XKR6: variants seen among roughly 807,000 people sequenced by gnomAD.
XKR6 encodes the protein XK-related protein 6.
Under a neutral mutation model 56.7 loss-of-function variants are expected in XKR6, and 22 were observed. The ratio of observed to expected loss-of-function variants is 0.39; its 90% CI spans 0.28 to 0.55. The LOEUF is 0.55. XKR6 is among the 20% of genes least tolerant of loss of function. XKR6 has a pLI of 0.66. For missense variants in XKR6, 852 were observed against 889.0 expected (o/e 0.96, Z 0.53); for synonymous variants, 524 against 387.8 (o/e 1.35, Z -4.13).
intron 1 of XKR6, among the ~76,000 whole-genome samples, chr8:10,966,456 G>A (rs1421987006): frequency 6.6e-6 from 1 of 152,016 alleles, no homozygotes; most frequent in African/African-American, 2.4e-5. Flanking sequence ...GGCGGATCAC[G>A]AGGTCAGGAG....
intron 1 of XKR6, chr8:11,108,395 G>C (rs148437735): frequency 1.3e-4 from 60 of 446,892 alleles, no homozygotes; most frequent in African/African-American, 1.1e-3. Context: ...GATACCCCAA[G>C]ACATAAGAAA....
chr8:10,956,270 G>C (rs191634586), intron 1 of XKR6, among the ~76,000 whole-genome samples: 1 of 152,176 alleles, frequency 6.6e-6, no homozygotes, highest in Non-Finnish European at 1.5e-5. Context: ...CCCTCACTCC[G>C]GTTGTCATCA....
chr8:11,130,612 G>GT (rs578174148), intron 1 of XKR6, among the ~76,000 whole-genome samples: 1,435 of 143,222 alleles, frequency 0.01, 8 homozygotes, highest in Non-Finnish European at 0.014. Flanking sequence ...TCCCTCGCCG[G>GT]TTTTTTTTTT....
intron 1 of XKR6, among the ~76,000 whole-genome samples, chr8:11,157,095 G>A (rs938215976): frequency 6.6e-6 from 1 of 152,132 alleles, no homozygotes; most frequent in Non-Finnish European, 1.5e-5. Flanking sequence ...AGCCTAATAA[G>A]AAAAATGTCA....
chr8:10,962,193 G>A lies in XKR6; in HGVS notation c.765-37363C>T, dbSNP rs1025189638. ...AATCTTTTTAAAGAAGTAAGAAAATGCAAACCATAAGTAGGTTTAAATGCT... is the reference window on the plus strand; with the variant it reads ...AATCTTTTTAAAGAAGTAAGAAAATACAAACCATAAGTAGGTTTAAATGCT... On this transcript the variant is annotated intron_variant, in intron 1 of 2. Transcript: ENST00000416569. Among the ~76,000 whole-genome samples, 5 of 152,174 alleles carry A rather than the reference G, an allele frequency of 3.3e-5. No individual in the cohort carries two copies. The East Asian group carries it at 9.6e-4, about 29-fold the overall frequency.
intron 1 of XKR6, among the ~76,000 whole-genome samples, chr8:10,954,392 T>C (rs1394047758): frequency 6.6e-6 from 1 of 152,250 alleles, no homozygotes; most frequent in Admixed American, 6.5e-5. Flanking sequence ...GTGGTTTTGA[T>C]TTGTATTTCC....
At chr8:10,972,254 A>G (rs1802430260) in intron 1 of XKR6, among the ~76,000 whole-genome samples, 1 of 152,230 alleles carries the variant, frequency 6.6e-6, no homozygotes, top group South Asian at 2.1e-4. Flanking sequence ...TAGGAAAAAA[A>G]CAACATGAAA....
intron 1 of XKR6, among the ~76,000 whole-genome samples, chr8:11,139,867 G>A (rs1282718372): frequency 1.3e-5 from 2 of 152,138 alleles, no homozygotes; most frequent in African/African-American, 2.4e-5. Flanking sequence ...GATTTAAGCA[G>A]CAAAATCCCC....
At chr8:11,107,949 T>C in intron 1 of XKR6, 1 of 289,682 alleles carries the variant, frequency 3.5e-6, no homozygotes, top group Admixed American at 5.2e-5. Context: ...GGCACCACTC[T>C]GATGATGCTC....
Position 10,896,956 on chromosome 8 carries a change from T to G in XKR6, c.*996A>C, listed in dbSNP as rs2129106075. On this transcript the variant is annotated 3_prime_UTR_variant, in exon 3 of 3. Coordinates refer to ENST00000416569, the MANE Select transcript of XKR6 (RefSeq NM_173683.4). ...CTGATTAAGTATTGTGCCTTTAAAC[T>G]GATGTCGTTCTTTTTGCTACTATGC... 6.5e-6 allele frequency: 1 copy of G among 152,760 alleles called. No individual in the cohort carries two copies. Among genetic ancestry groups the G allele is most frequent in the Non-Finnish European group, 1.5e-5 (1 of 68,038 alleles). The allele number at this position is 152,760 out of a possible 1,614,324, so 9.5% of individuals were successfully genotyped here. A position where few individuals can be genotyped will look rare whatever the true frequency, so the allele number is the denominator to read the frequency against.
At chr8:11,083,108 C>T (rs1797780742) in intron 1 of XKR6, among the ~76,000 whole-genome samples, 1 of 152,124 alleles carries the variant, frequency 6.6e-6, no homozygotes. Context: ...CAGAACTAGG[C>T]CACTCTCCAA....
intron 1 of XKR6, among the ~76,000 whole-genome samples, chr8:11,078,167 A>T (rs1034150696): frequency 1.3e-5 from 2 of 152,184 alleles, no homozygotes; most frequent in Admixed American, 6.5e-5. Context: ...ACCTATTTTT[A>T]AAATTTCATT....
chr8:11,062,164 C>T (rs916263566), intron 1 of XKR6, among the ~76,000 whole-genome samples: 1 of 152,118 alleles, frequency 6.6e-6, no homozygotes, highest in East Asian at 1.9e-4. Context: ...GGAGAAGCTG[C>T]ACACATCGGC....
At chr8:11,054,296 G>A (rs575778694) in intron 1 of XKR6, among the ~76,000 whole-genome samples, 8 of 152,296 alleles carry the variant, frequency 5.3e-5, no homozygotes, top group East Asian at 1.9e-4. Context: ...AAGAGAGAGC[G>A]CACAGTAAGT....
intron 1 of XKR6, among the ~76,000 whole-genome samples, chr8:11,029,736 G>A (rs930608868): frequency 3.3e-5 from 5 of 151,898 alleles, no homozygotes; most frequent in East Asian, 3.9e-4. Flanking sequence ...ATTTCCTCAC[G>A]TCAGTGCCAT....
chr8:10,926,847 G>T (rs890416855), intron 1 of XKR6, among the ~76,000 whole-genome samples: 3 of 152,250 alleles, frequency 2.0e-5, no homozygotes, highest in Non-Finnish European at 4.4e-5. Flanking sequence ...CAGGGAAGAG[G>T]CTCAGGAAGA....
chr8:11,143,856 G>C (rs528199409), intron 1 of XKR6, among the ~76,000 whole-genome samples: 2 of 152,304 alleles, frequency 1.3e-5, no homozygotes, highest in African/African-American at 4.8e-5. Context: ...AACAGAAATT[G>C]ATTTTCCCAC....
chr8:11,143,660 A>C (rs1048596604), intron 1 of XKR6, among the ~76,000 whole-genome samples: 1 of 152,222 alleles, frequency 6.6e-6, no homozygotes, highest in Non-Finnish European at 1.5e-5. Flanking sequence ...GAAAATCAGA[A>C]GAGTGGTTAC....
chr8:10,919,688 C>T (rs1479004296), intron 2 of XKR6, among the ~76,000 whole-genome samples: 3 of 152,166 alleles, frequency 2.0e-5, no homozygotes, highest in Non-Finnish European at 4.4e-5. Flanking sequence ...CATGGCAGAG[C>T]TGGAATCTGC....
Sources: gnomAD v4.1 joint callset for allele counts (sites outside exome capture counted in the v4.1 genomes callset) on GRCh38, gnomAD v4.1.1 for gene constraint, MANE v1.5 for transcripts, NCBI Gene and HGNC (gene_info 2026-07-23, HGNC 2026-07-21) for gene names.